CDS2: variants seen among roughly 807,000 people sequenced by gnomAD.
The protein encoded by CDS2 is CDP-diacylglycerol synthase 2, also known as phosphatidate cytidylyltransferase 2.
A neutral mutation model predicts 59.0 loss-of-function variants in CDS2; 47 were observed. The observed-to-expected ratio is 0.80, with a 90% CI of 0.63 to 1.02. The LOEUF is 1.02. CDS2 is among the 50% of genes least tolerant of loss of function. The probability of loss-of-function intolerance (pLI) is 0.00; values close to 1 mark genes in which losing one functional copy is unlikely to be tolerated. For missense variants in CDS2, 356 were observed against 558.9 expected, an observed-to-expected ratio of 0.64 and a Z score of 3.66; for synonymous variants, 207 against 206.4, an observed-to-expected ratio of 1.00 and a Z score of -0.02.
At chr20:5,135,817 G>A (rs2090645590) in intron 1 of CDS2, among the ~76,000 whole-genome samples, 1 of 152,204 alleles carries the variant, frequency 6.6e-6, no homozygotes, top group Non-Finnish European at 1.5e-5. Context: ...AGGCAGCAAA[G>A]GGTATTCTGT....
chr20:5,173,411 C>A, intron 1 of CDS2, 112 bp from the exon 2 acceptor site: 1 of 1,232,266 alleles, frequency 8.1e-7, no homozygotes, highest in Non-Finnish European at 1.2e-6. Context: ...GTGCCAGGTT[C>A]TTAGGCCCTG....
intron 1 of CDS2, among the ~76,000 whole-genome samples, chr20:5,156,283 G>A (rs1442497063): frequency 6.6e-6 from 1 of 152,172 alleles, no homozygotes; most frequent in East Asian, 1.9e-4. Flanking sequence ...GATGCGGACA[G>A]TGTTTTCCAT....
chr20:5,168,704 C>T (rs888806250), intron 1 of CDS2: 1 of 509,922 alleles, frequency 2.0e-6, no homozygotes, highest in East Asian at 5.5e-5. Context: ...ACCCAAACAG[C>T]AGGGTTTTCT....
At chr20:5,141,483 AGAAGCTCTTGCACTGGAGACTCC>A (rs2090693370) in intron 1 of CDS2, among the ~76,000 whole-genome samples, 1 of 152,236 alleles carries the variant, frequency 6.6e-6, no homozygotes, top group African/African-American at 2.4e-5. Flanking sequence ...CCACTGGGAC[AGAAGCTCTTGCACTGGAGACTCC>A]GAAGCTCTTG....
chr20:5,151,504 T>C (rs560668711), intron 1 of CDS2, among the ~76,000 whole-genome samples: 4 of 152,300 alleles, frequency 2.6e-5, no homozygotes, highest in Admixed American at 6.5e-5. Context: ...TATGTACCTG[T>C]AGTCTCAGCT....
intron 1 of CDS2, among the ~76,000 whole-genome samples, chr20:5,151,541 G>T (rs2090789368): frequency 6.6e-6 from 1 of 152,058 alleles, no homozygotes; most frequent in Non-Finnish European, 1.5e-5. Context: ...TGGGAGGATT[G>T]CTTAAGCCCA....
intron 1 of CDS2, among the ~76,000 whole-genome samples, chr20:5,136,610 G>C (rs1398623794): frequency 1.3e-5 from 2 of 152,050 alleles, no homozygotes; most frequent in Non-Finnish European, 2.9e-5. Flanking sequence ...TGTGAATTGA[G>C]CTCCCTCCTG....
In CDS2 at chr20:5,192,431, G is replaced by A. The variant is rs1205491495; in HGVS notation, c.*2197G>A. 6.6e-6 allele frequency: 1 copy of A among 152,444 alleles called. No homozygotes were observed. The highest frequency in any genetic ancestry group is 1.9e-4 in the East Asian group (1 of 5,192). 9.4% of individuals were successfully genotyped at this position (152,444 alleles called of 1,614,324 possible). A position where few individuals can be genotyped will look rare whatever the true frequency, so the allele number is the denominator to read the frequency against. On this transcript the variant is annotated 3_prime_UTR_variant, in exon 13 of 13. Transcript: ENST00000460006. ...CAGGCAGGCCAGAGGGTCAGCTTGT[G>A]TTTTATTTTCTGATTTCTCCTGCAT...
At position 5,196,187 on chromosome 20, in the gene CDS2, G is replaced by T. The variant is rs1304074054; in HGVS notation, c.*5953G>T. On this transcript the variant is annotated 3_prime_UTR_variant, in exon 13 of 13. Coordinates refer to ENST00000460006, the MANE Select transcript of CDS2 (RefSeq NM_003818.4). ...GAAGTAATGATAATGCCATGAACCAGGAGAAGATGGTTGTGGGGGTTTCTA... is the reference window on the plus strand; with the variant it reads ...GAAGTAATGATAATGCCATGAACCATGAGAAGATGGTTGTGGGGGTTTCTA... 2 of 152,210 alleles carry T rather than the reference G, an allele frequency of 1.3e-5. No homozygotes were observed. The highest frequency in any genetic ancestry group is 4.8e-5 in the African/African-American group (2 of 41,432). 9.4% of individuals were successfully genotyped at this position (152,210 alleles called of 1,614,324 possible). A position where few individuals can be genotyped will look rare whatever the true frequency, so the allele number is the denominator to read the frequency against.
intron 4 of CDS2, among the ~76,000 whole-genome samples, chr20:5,176,954 TAAGAG>T (rs2090999355): frequency 6.6e-6 from 1 of 152,158 alleles, no homozygotes; most frequent in South Asian, 2.1e-4. Flanking sequence ...AGGAGAATGT[TAAGAG>T]AAAGTTAAGA....
Position 5,190,262 on chromosome 20 carries a change from A to G in CDS2, c.*28A>G, listed in dbSNP as rs377586394. 5 of 1,606,010 alleles carry G rather than the reference A, an allele frequency of 3.1e-6. No individual in the cohort carries two copies. The African/African-American group carries it at 6.7e-5, about 21-fold the overall frequency. ...GCCACCCAGGGCCAGGAGAACAGGA[A>G]CAGAACTGAGCAGGGGCAGGTCTCC... On this transcript the variant is annotated 3_prime_UTR_variant, in exon 13 of 13. Transcript: ENST00000460006.
intron 1 of CDS2, among the ~76,000 whole-genome samples, chr20:5,154,957 C>T (rs1358950958): frequency 6.6e-6 from 1 of 152,186 alleles, no homozygotes; most frequent in Non-Finnish European, 1.5e-5. Flanking sequence ...TGATTTGTTC[C>T]GATTCTGCTT....
chr20:5,158,687 T>A (rs1377323142), intron 1 of CDS2, among the ~76,000 whole-genome samples: 2 of 152,210 alleles, frequency 1.3e-5, no homozygotes, highest in South Asian at 4.1e-4. Context: ...TGTACCCCAG[T>A]TTCTGGTTGG....
At chr20:5,178,399 C>T (rs6116678) in intron 4 of CDS2, among the ~76,000 whole-genome samples, 46,252 of 151,950 alleles carry the variant, frequency 0.3, 7,550 homozygotes, top group South Asian at 0.38. Context: ...GGCAGGAGAA[C>T]AGCAGACAGG....
At chr20:5,153,564 T>C (rs1432863438) in intron 1 of CDS2, among the ~76,000 whole-genome samples, 1 of 152,196 alleles carries the variant, frequency 6.6e-6, no homozygotes, top group African/African-American at 2.4e-5. Context: ...CCAATAACTC[T>C]TAGGAATTCC....
chr20:5,182,265 A>C, intron 5 of CDS2, 122 bp from the exon 6 acceptor site: 1 of 704,104 alleles, frequency 1.4e-6, no homozygotes, highest in Non-Finnish European at 2.3e-6. Flanking sequence ...GGGCTTTGAC[A>C]TTGTGCACTG....
chr20:5,162,337 A>G (rs1173379475), intron 1 of CDS2, among the ~76,000 whole-genome samples: 1 of 152,202 alleles, frequency 6.6e-6, no homozygotes, highest in Non-Finnish European at 1.5e-5. Flanking sequence ...CAAATATTCC[A>G]AATTCTGAAA....
chr20:5,132,308 G>T (rs2090613977), intron 1 of CDS2, among the ~76,000 whole-genome samples: 2 of 152,072 alleles, frequency 1.3e-5, no homozygotes, highest in South Asian at 4.2e-4. Context: ...ATGTTGGTCA[G>T]GCTGGTCTCA....
intron 1 of CDS2, among the ~76,000 whole-genome samples, chr20:5,173,081 G>A (rs1284153583): frequency 1.3e-5 from 2 of 152,164 alleles, no homozygotes; most frequent in African/African-American, 4.8e-5. Flanking sequence ...TCTGGACTTG[G>A]GACATGTTGA....
Sources: allele counts gnomAD v4.1 joint callset (sites outside exome capture counted in the v4.1 genomes callset), GRCh38; gene constraint gnomAD v4.1.1; transcripts MANE v1.5; gene names NCBI Gene and HGNC (gene_info 2026-07-23, HGNC 2026-07-21).